Variants in TRABD2A observed in about 807,000 individuals in gnomAD.
TRABD2A encodes the protein TraB domain containing 2A.
In TRABD2A, 43 loss-of-function variants were observed where a neutral mutation model predicts 45.6. The observed-to-expected ratio is 0.94, with a 90% CI of 0.74 to 1.22. TRABD2A has a LOEUF of 1.22. TRABD2A is among the 50% of genes most tolerant of loss of function. TRABD2A has a pLI of 0.00. For synonymous variants in TRABD2A, 269 were observed against 265.0 expected, an observed-to-expected ratio of 1.02 and a Z score of -0.15; for missense variants, 642 against 652.4, an observed-to-expected ratio of 0.98 and a Z score of 0.17.
Position 84,830,771 on chromosome 2 carries a change from G to A in TRABD2A, c.1082+1284C>T, listed in dbSNP as rs1223724994. On this transcript the variant is annotated intron_variant, in intron 5 of 6. Transcript: ENST00000409520. The surrounding 1 kb of genome is among the most constrained non-coding windows in gnomAD (Gnocchi z 4.9). ...TGTATCCAGGATTTCCCGCCTGAAG[G>A]GAGACTGGCAGGAGCCTCTGGGGTG... Among the ~76,000 whole-genome samples the A allele has an allele frequency of 6.6e-6, 1 of 152,182 alleles. No individual in the cohort carries two copies. Among genetic ancestry groups the A allele is most frequent in the African/African-American group, 2.4e-5 (1 of 41,446 alleles).
chr2:84,875,765 T>G (rs1683005433), intron 1 of TRABD2A, among the ~76,000 whole-genome samples: 2 of 152,180 alleles, frequency 1.3e-5, no homozygotes, highest in South Asian at 4.1e-4. Flanking sequence ...ATCCCAACAC[T>G]TTGGGAAGCT....
intron 5 of TRABD2A, 117 bp from the exon 6 acceptor site, chr2:84,824,321 CTGGCCAG>C: frequency 7.0e-7 from 1 of 1,432,850 alleles, no homozygotes; most frequent in Non-Finnish European, 9.3e-7. Flanking sequence ...AAAGTTCAAG[CTGGCCAG>C]GAAGGGCAGA....
intron 5 of TRABD2A, among the ~76,000 whole-genome samples, chr2:84,831,193 A>G (rs1681322699): frequency 7.0e-6 from 1 of 142,758 alleles, no homozygotes; most frequent in African/African-American, 2.7e-5. Flanking sequence ...GCTCGCTTAC[A>G]GAAAAAAAAA....
chr2:84,838,659 G>T (rs1477781621), intron 4 of TRABD2A, among the ~76,000 whole-genome samples: 1 of 151,916 alleles, frequency 6.6e-6, no homozygotes, highest in African/African-American at 2.4e-5. Context: ...AGTCACTCCG[G>T]GGGAGAGAAT....
intron 2 of TRABD2A, among the ~76,000 whole-genome samples, chr2:84,863,833 G>A (rs115268931): frequency 0.026 from 3,909 of 151,986 alleles, 82 homozygotes; most frequent in South Asian, 0.057. Context: ...GGATGGTCTC[G>A]ATCTCCTGAC....
chr2:84,874,532 AG>A (rs1184387035), intron 1 of TRABD2A, among the ~76,000 whole-genome samples: 1 of 152,246 alleles, frequency 6.6e-6, no homozygotes, highest in African/African-American at 2.4e-5. Flanking sequence ...TAAGTCTTTC[AG>A]CCTGGAGGAG....
At position 84,868,367 on chromosome 2, in the gene TRABD2A, A is replaced by G. The variant is rs186860841; in HGVS notation, c.669+1858T>C. Reference sequence around the variant, plus strand: ...AACCAAACACCGCATGTTCTCATTCACAGGTGGGAATTGAACAATGAGAAC... The same window carrying G: ...AACCAAACACCGCATGTTCTCATTCGCAGGTGGGAATTGAACAATGAGAAC... On this transcript the variant is annotated intron_variant, in intron 2 of 6. Coordinates refer to ENST00000409520, the MANE Select transcript of TRABD2A (RefSeq NM_001277053.2). 9.6e-4 allele frequency among the ~76,000 whole-genome samples: 144 copies of G among 150,016 alleles called. 1 individual carries two copies. Among genetic ancestry groups the G allele is most frequent in the African/African-American group, 3.4e-3 (138 of 40,984 alleles).
chr2:84,874,095 C>G (rs565257743), intron 1 of TRABD2A, among the ~76,000 whole-genome samples: 45 of 152,208 alleles, frequency 3.0e-4, no homozygotes, highest in African/African-American at 1.1e-3. Flanking sequence ...ACTTAATCTG[C>G]CTAAGGTCCC....
Position 84,881,022 on chromosome 2 carries a change from C to A in TRABD2A, c.18G>T (p.Trp6Cys). The change falls in exon 1 of 7, where the codon TGG becomes TGT. Residue 6 changes from tryptophan to cysteine, a missense_variant. Physicochemically the swap from Trp to Cys is radical, Grantham distance 215. Coordinates refer to ENST00000409520, the MANE Select transcript of TRABD2A (RefSeq NM_001277053.2). MSPWS[W>C]FLLQTLCLLP... is the part of the protein sequence containing the mutation. ...GGAGGCAGAGGGTCTGCAGCAGGAA[C>A]CAGCTCCAGGGACTCATCCTCCTCA... 1 of 1,604,882 alleles carries A rather than the reference C, an allele frequency of 6.2e-7. No homozygotes were observed.
At chr2:84,839,754 A>C (rs1475260271) in intron 3 of TRABD2A, among the ~76,000 whole-genome samples, 1 of 152,220 alleles carries the variant, frequency 6.6e-6, no homozygotes, top group Non-Finnish European at 1.5e-5. Flanking sequence ...TAAACACTTA[A>C]ATGTTTTATA....
chr2:84,850,755 GTGTT>G (rs955394184), intron 2 of TRABD2A: 5 of 152,254 alleles, frequency 3.3e-5, no homozygotes, highest in Admixed American at 6.5e-5. Context: ...AGGAAGGAGA[GTGTT>G]TGAGAGCAAC....
At chr2:84,871,993 T>C (rs1331246701) in intron 1 of TRABD2A, among the ~76,000 whole-genome samples, 8 of 152,212 alleles carry the variant, frequency 5.3e-5, no homozygotes, top group Admixed American at 5.2e-4. Flanking sequence ...TTGCACATGC[T>C]GAGCAGCGGT....
At chr2:84,872,624 A>G (rs1682901622) in intron 1 of TRABD2A, among the ~76,000 whole-genome samples, 1 of 152,216 alleles carries the variant, frequency 6.6e-6, no homozygotes, top group Non-Finnish European at 1.5e-5. Context: ...TTTAAGTAAC[A>G]TGCTTCCCTT....
At chr2:84,868,050 A>G (rs1682741069) in intron 2 of TRABD2A, among the ~76,000 whole-genome samples, 1 of 152,246 alleles carries the variant, frequency 6.6e-6, no homozygotes, top group African/African-American at 2.4e-5. Flanking sequence ...ATCTAGAACT[A>G]GAAATACCAT....
chr2:84,871,146 T>C (rs80090251), intron 1 of TRABD2A, among the ~76,000 whole-genome samples: 29,338 of 152,066 alleles, frequency 0.19, 3,747 homozygotes, highest in African/African-American at 0.37. Context: ...TCAATCAAAA[T>C]GTTGATTCCA....
At chr2:84,845,568 G>C (rs899999313) in intron 2 of TRABD2A, among the ~76,000 whole-genome samples, 1 of 145,612 alleles carries the variant, frequency 6.9e-6, no homozygotes, top group Non-Finnish European at 1.5e-5. Flanking sequence ...GGGAGACAAG[G>C]GCGGGGGAAG....
chr2:84,880,937 G>T lies in TRABD2A; in HGVS notation c.103C>A (p.Pro35Thr). Residue 35 changes from proline (P) to threonine (T), a missense_variant, in exon 1 of 7, where the codon CCC becomes ACC. Pro to Thr is a conservative substitution (Grantham distance 38, BLOSUM62 -1). Coordinates refer to ENST00000409520, the MANE Select transcript of TRABD2A (RefSeq NM_001277053.2). ...GCACCCGACGCGCGCCTTACTTGGG[G>T]CTTGAGCTCGCAGTTGGCGGTGCCG... Reference protein sequence around the residue: ...APGTANCELKPQQSELNSFLW... With the variant: ...APGTANCELKTQQSELNSFLW... 1 of 1,593,454 alleles carries T rather than the reference G, an allele frequency of 6.3e-7. No homozygotes were observed. The highest frequency in any genetic ancestry group is 8.5e-7 in the Non-Finnish European group (1 of 1,170,718).
chr2:84,856,728 T>G (rs1440238470), intron 2 of TRABD2A, among the ~76,000 whole-genome samples: 1 of 152,146 alleles, frequency 6.6e-6, no homozygotes, highest in African/African-American at 2.4e-5. Flanking sequence ...TTCTGCTCGC[T>G]TTGGTCACAT....
intron 5 of TRABD2A, among the ~76,000 whole-genome samples, chr2:84,826,399 G>A (rs1411481487): frequency 6.6e-6 from 1 of 152,180 alleles, no homozygotes; most frequent in Non-Finnish European, 1.5e-5. Context: ...ACTCTTCCTG[G>A]TTTTTATCTC....
Sources: allele counts gnomAD v4.1 joint callset (sites outside exome capture counted in the v4.1 genomes callset), GRCh38; gene constraint gnomAD v4.1.1; non-coding constraint Gnocchi (gnomAD v3.1); transcripts MANE v1.5; gene names NCBI Gene and HGNC (gene_info 2026-07-23, HGNC 2026-07-21).